Variants in PDZD2 observed in about 807,000 individuals in gnomAD.
PDZD2 encodes PDZ domain-containing protein 2.
PDZD2 carries 90 observed loss-of-function variants against 220.7 expected under a neutral mutation model. The ratio of observed to expected loss-of-function variants is 0.41; its 90% confidence interval spans 0.34 to 0.49. The LOEUF (loss-of-function observed/expected upper bound fraction) is 0.49. Ranked by LOEUF, PDZD2 falls within the 20% of genes least tolerant of loss-of-function variation. The pLI is 0.28. For missense variants in PDZD2, 3,174 were observed against 3,608.5 expected, an observed-to-expected ratio of 0.88 and a Z score of 3.08; for synonymous variants, 1,375 against 1,450.5, an observed-to-expected ratio of 0.95 and a Z score of 1.18.
intron 2 of PDZD2, among the ~76,000 whole-genome samples, chr5:31,949,902 T>C (rs1256131471): frequency 6.6e-6 from 1 of 151,522 alleles, no homozygotes; most frequent in Non-Finnish European, 1.5e-5. Flanking sequence ...CAGGCTGGTC[T>C]CAAACTCCTG....
intron 1 of PDZD2, among the ~76,000 whole-genome samples, chr5:31,756,765 C>T (rs994959757): frequency 6.6e-6 from 1 of 152,248 alleles, no homozygotes; most frequent in African/African-American, 2.4e-5. Flanking sequence ...TGGACACCTG[C>T]ACTGCCTTAC....
At chr5:31,771,213 G>C (rs1173527058) in intron 1 of PDZD2, among the ~76,000 whole-genome samples, 1 of 152,204 alleles carries the variant, frequency 6.6e-6, no homozygotes, top group African/African-American at 2.4e-5. Flanking sequence ...TACAGGGACT[G>C]TCTGTGACTA....
chr5:31,964,611 G>A (rs1748550942), intron 2 of PDZD2, among the ~76,000 whole-genome samples: 1 of 152,132 alleles, frequency 6.6e-6, no homozygotes, highest in Non-Finnish European at 1.5e-5. Context: ...GATTAGCTAA[G>A]TCCTGTCCAT....
At chr5:31,947,279 G>A (rs1027613813) in intron 2 of PDZD2, among the ~76,000 whole-genome samples, 11 of 152,180 alleles carry the variant, frequency 7.2e-5, no homozygotes, top group African/African-American at 1.7e-4. Flanking sequence ...CTGGGCTGTC[G>A]CGTTAGAATG....
At chr5:32,019,672 G>T (rs554220421) in intron 6 of PDZD2, among the ~76,000 whole-genome samples, 1 of 152,282 alleles carries the variant, frequency 6.6e-6, no homozygotes, top group South Asian at 2.1e-4. Context: ...GGAGCATTAG[G>T]AAATACAGTT....
chr5:31,835,425 C>T (rs1356586261), intron 2 of PDZD2, among the ~76,000 whole-genome samples: 1 of 102,078 alleles, frequency 9.8e-6, no homozygotes, highest in Non-Finnish European at 2.1e-5. Context: ...TCGAGACCAG[C>T]CTGGCCAACA....
At chr5:32,068,447 T>G (rs909935333) in intron 14 of PDZD2, among the ~76,000 whole-genome samples, 5 of 152,242 alleles carry the variant, frequency 3.3e-5, no homozygotes, top group African/African-American at 1.2e-4. Flanking sequence ...TGCACACTAT[T>G]ACATAGTTCA....
rs1401600794 is a variant in PDZD2, at chr5:31,763,870, T to TTAAAAA, written c.-360-35019_-360-35018insTAAAAA. ...AAAGGAGAGGAGGGAGCCCTCTGAT[T>TTAAAAA]AAAAAAAAAAAAAAAAAAGTCATAG... On this transcript the variant is annotated intron_variant, in intron 1 of 24. Coordinates refer to ENST00000438447, the MANE Select transcript of PDZD2 (RefSeq NM_178140.4). 9.7e-3 allele frequency among the ~76,000 whole-genome samples: 1,329 copies of TTAAAAA among 137,516 alleles called. 12 individuals are homozygous for TTAAAAA. The highest frequency in any genetic ancestry group is 0.034 in the East Asian group (162 of 4,736). The allele number at this position is 137,516 out of a possible 152,430, so 90.2% of individuals were successfully genotyped here. A position where few individuals can be genotyped will look rare whatever the true frequency, so the allele number is the denominator to read the frequency against.
intron 7 of PDZD2, among the ~76,000 whole-genome samples, chr5:32,046,091 TA>T (rs1737930521): frequency 6.6e-6 from 1 of 152,210 alleles, no homozygotes; most frequent in Non-Finnish European, 1.5e-5. Flanking sequence ...ATAGGTATTG[TA>T]TATCATATAA....
At chr5:31,745,809 ATT>A (rs59613880) in intron 1 of PDZD2, among the ~76,000 whole-genome samples, 23,973 of 143,112 alleles carry the variant, frequency 0.17, 2,008 homozygotes, top group East Asian at 0.2. Context: ...CATGTAAATG[ATT>A]TTTTTTTTTT....
At chr5:31,705,181 C>T (rs1296524056) in intron 1 of PDZD2, among the ~76,000 whole-genome samples, 1 of 60,620 alleles carries the variant, frequency 1.6e-5, no homozygotes, top group Non-Finnish European at 2.8e-5. Context: ...TGTATACACA[C>T]ACACACACAC....
chr5:32,093,521 T>G (rs569746787), intron 21 of PDZD2, among the ~76,000 whole-genome samples: 1 of 152,314 alleles, frequency 6.6e-6, no homozygotes, highest in African/African-American at 2.4e-5. Context: ...AATCCACATA[T>G]AACTTTTAAC....
intron 5 of PDZD2, among the ~76,000 whole-genome samples, chr5:32,005,358 C>T (rs368547352): frequency 3.3e-5 from 5 of 152,166 alleles, no homozygotes; most frequent in African/African-American, 1.2e-4. Context: ...ATAGTAGGAG[C>T]TTAGGAAGTT....
rs112648915 is a variant in PDZD2 at position 31,652,135 on chromosome 5, T to G, written c.-361+12698T>G. Among the ~76,000 whole-genome samples the G allele has an allele frequency of 6.4e-3, 662 of 103,446 alleles. 3 individuals carry two copies. Among genetic ancestry groups the G allele is most frequent in the African/African-American group, 0.022 (624 of 28,654 alleles). The allele number at this position is 103,446 out of a possible 152,430, so 67.9% of individuals were successfully genotyped here. On this transcript the variant is annotated intron_variant, in intron 1 of 24. Transcript: ENST00000438447. ...CATGAGCCACTGCGTCTGGCCTGGG[T>G]TTTTTTTTGTTTTTTGTTTGTTTGT...
chr5:31,837,774 C>T (rs576885163), intron 2 of PDZD2, among the ~76,000 whole-genome samples: 2 of 152,068 alleles, frequency 1.3e-5, no homozygotes, highest in African/African-American at 4.8e-5. Context: ...GTAGTGCCAG[C>T]TGCTTGTGAG....
chr5:31,815,439 T>C (rs551629123), intron 2 of PDZD2, among the ~76,000 whole-genome samples: 6 of 152,228 alleles, frequency 3.9e-5, no homozygotes, highest in Non-Finnish European at 8.8e-5. Context: ...CAAAGAGATA[T>C]ATTTTGGAAT....
rs551691910 is a variant in PDZD2 at position 31,783,964 on chromosome 5, G to C, written c.-360-14925G>C. Among the ~76,000 whole-genome samples, 9 of 152,234 alleles carry C rather than the reference G, an allele frequency of 5.9e-5. No homozygotes were observed. In the South Asian group the frequency reaches 1.9e-3, roughly 32 times the overall value. ...GTGCTCTGACTGTCACTGAGTCTCC[G>C]GTCCCCTCTCAATCTGTTCCCTCAT... On this transcript the variant is annotated intron_variant, in intron 1 of 24. Coordinates refer to ENST00000438447, the MANE Select transcript of PDZD2 (RefSeq NM_178140.4).
chr5:31,909,468 AAC>A (rs1336683413), intron 2 of PDZD2, among the ~76,000 whole-genome samples: 1 of 152,176 alleles, frequency 6.6e-6, no homozygotes, highest in Non-Finnish European at 1.5e-5. Flanking sequence ...GCTTTTTGAT[AAC>A]AGTTTGAATT....
intron 2 of PDZD2, among the ~76,000 whole-genome samples, chr5:31,932,885 A>T (rs969776753): frequency 6.9e-6 from 1 of 145,610 alleles, no homozygotes; most frequent in Non-Finnish European, 1.5e-5. Flanking sequence ...TAACTGGCTT[A>T]TTTCACTTAG....
Sources: gnomAD v4.1 joint callset for allele counts (sites outside exome capture counted in the v4.1 genomes callset) on GRCh38, gnomAD v4.1.1 for gene constraint, MANE v1.5 for transcripts, NCBI Gene and HGNC (gene_info 2026-07-23, HGNC 2026-07-21) for gene names.